The following ZIM2 variants were observed in gnomAD, a reference collection of about 807,000 sequenced individuals.
ZIM2 encodes zinc finger protein 656.
In ZIM2, 14 loss-of-function variants were observed where a neutral mutation model predicts 38.6. The observed-to-expected ratio is 0.36, with a 90% confidence interval of 0.24 to 0.57. The LOEUF (loss-of-function observed/expected upper bound fraction) is 0.57. Ranked by LOEUF, ZIM2 falls within the 20% of genes least tolerant of loss-of-function variation. ZIM2 has a pLI of 0.81. For missense variants in ZIM2, 680 were observed against 695.1 expected (o/e 0.98, Z 0.24); for synonymous variants, 247 against 245.8 (o/e 1.00, Z -0.04).
chr19:56,805,260 C>T (rs2047701885), intron 9 of ZIM2, among the ~76,000 whole-genome samples: 2 of 152,256 alleles, frequency 1.3e-5, no homozygotes, highest in South Asian at 4.2e-4. Context: ...CCCTGGAGGG[C>T]AAATCGTTCA....
intron 9 of ZIM2, among the ~76,000 whole-genome samples, chr19:56,792,075 G>A (rs1165313598): frequency 6.9e-6 from 1 of 145,154 alleles, no homozygotes; most frequent in Admixed American, 7.1e-5. Flanking sequence ...TTGCAACTAA[G>A]GTTTACACTG....
chr19:56,782,279 T>C, intron 10 of ZIM2, 158 bp from the exon 11 acceptor site: 1 of 984,968 alleles, frequency 1.0e-6, no homozygotes, highest in African/African-American at 1.6e-5. Context: ...AGTGGGAACA[T>C]TACTGAAACA....
chr19:56,799,734 G>C (rs931819706), intron 9 of ZIM2: 1 of 152,274 alleles, frequency 6.6e-6, no homozygotes, highest in Non-Finnish European at 1.5e-5. Flanking sequence ...ACTTGTACAT[G>C]AATGTTCTTA....
chr19:56,840,646 C>T lies in ZIM2; in HGVS notation c.-378G>A, dbSNP rs2062915682. 6.5e-6 allele frequency: 1 copy of T among 153,004 alleles called. No homozygotes were observed. The allele number at this position is 153,004 out of a possible 1,614,324, so 9.5% of individuals were successfully genotyped here. ...CCTAGCGCACCCTCATGGCGCCCGG[C>T]GCCCGGCGGCGCCACCAGCCCAGGG... On this transcript the variant is annotated 5_prime_UTR_variant, in exon 1 of 13. Coordinates refer to ENST00000629319, the MANE Select transcript of ZIM2 (RefSeq NM_001387356.1).
intron 9 of ZIM2, among the ~76,000 whole-genome samples, chr19:56,806,990 G>A: frequency 6.6e-6 from 1 of 152,062 alleles, no homozygotes; most frequent in Non-Finnish European, 1.5e-5. Context: ...TTTTGTTATG[G>A]CAGCCCAAAT....
At chr19:56,837,087 G>C (rs1211012454) in intron 1 of ZIM2, among the ~76,000 whole-genome samples, 1 of 151,896 alleles carries the variant, frequency 6.6e-6, no homozygotes, top group Non-Finnish European at 1.5e-5. Context: ...AGATCTCCTT[G>C]GGTGGAGCCA....
At chr19:56,809,323 A>G (rs1476764299) in intron 9 of ZIM2, among the ~76,000 whole-genome samples, 1 of 152,182 alleles carries the variant, frequency 6.6e-6, no homozygotes, top group Non-Finnish European at 1.5e-5. Context: ...TGGCAAGTAC[A>G]CTTTTATATC....
intron 1 of ZIM2, 40 bp downstream of exon 1, chr19:56,840,542 G>A (rs1035886244): frequency 6.6e-6 from 1 of 152,322 alleles, no homozygotes; most frequent in Non-Finnish European, 1.5e-5. Context: ...CCAAGGTCCC[G>A]CGGGCAGGAG....
chr19:56,838,586 C>G (rs1031204279), intron 1 of ZIM2, among the ~76,000 whole-genome samples: 4 of 152,222 alleles, frequency 2.6e-5, no homozygotes, highest in Admixed American at 2.0e-4. Context: ...CAGGCAACAA[C>G]AGGGGAAGGG....
chr19:56,775,798 A>T lies in ZIM2; in HGVS notation c.836-269T>A, dbSNP rs144610509. On this transcript the variant is annotated intron_variant, in intron 12 of 12. Transcript: ENST00000629319. The stretch of plus-strand genomic sequence containing the variant: ...TGAAAACCTAAAGAGAAAATGGAAA[A>T]AGGATAGAAAGGACAGTAAGTGGCC... Among the ~76,000 whole-genome samples, 299 of 152,222 alleles carry T rather than the reference A, an allele frequency of 2.0e-3. 1 individual carries two copies. Among genetic ancestry groups the T allele is most frequent in the African/African-American group, 6.9e-3 (288 of 41,544 alleles).
At position 56,774,995 on chromosome 19, in the gene ZIM2, T is replaced by C. The variant is rs1303047496; in HGVS notation, c.1370A>G (p.His457Arg). ...QCGKAFLQNVHLLQHLKAHEA... is the reference protein window; with the variant it reads ...QCGKAFLQNVRLLQHLKAHEA... ...ATGGGCTTTGAGATGTTGAAGAAGA[T>C]GCACATTCTGGAGAAAAGCTTTGCC... The change falls in exon 13 of 13, where the codon CAT becomes CGT. Residue 457 changes from histidine to arginine, a missense_variant. Coordinates refer to ENST00000629319, the MANE Select transcript of ZIM2 (RefSeq NM_001387356.1). 1.9e-6 allele frequency: 3 copies of C among 1,614,066 alleles called. No individual in the cohort carries two copies. Among genetic ancestry groups the C allele is most frequent in the African/African-American group, 1.3e-5 (1 of 74,932 alleles).
intron 9 of ZIM2, among the ~76,000 whole-genome samples, chr19:56,792,487 T>C (rs1338790210): frequency 1.6e-4 from 20 of 127,418 alleles, no homozygotes; most frequent in Admixed American, 1.5e-3. Flanking sequence ...GCTGAGATCA[T>C]GCCACTGCAC....
chr19:56,798,671 G>T (rs2145972055), intron 9 of ZIM2: 1 of 152,170 alleles, frequency 6.6e-6, no homozygotes, highest in East Asian at 1.9e-4. Context: ...AGAGTGAACA[G>T]ACAGCTTACA....
intron 1 of ZIM2, 99 bp from the exon 2 acceptor site, chr19:56,836,203 A>G (rs1050436047): frequency 7.7e-6 from 3 of 387,264 alleles, no homozygotes; most frequent in Middle Eastern, 5.6e-4. Flanking sequence ...TTTATCTTCT[A>G]TGATGGCACA....
chr19:56,798,157 G>A (rs1219042864), intron 9 of ZIM2: 1 of 152,134 alleles, frequency 6.6e-6, no homozygotes, highest in African/African-American at 2.4e-5. Flanking sequence ...CAAAATTTTG[G>A]TCCACAGCTT....
chr19:56,814,359 ATCT>A lies in ZIM2; in HGVS notation c.490+3384_490+3386del, dbSNP rs572444111. 84 of 1,612,230 alleles carry A rather than the reference ATCT, an allele frequency of 5.2e-5. No homozygotes were observed. The highest frequency in any genetic ancestry group is 3.3e-4 in the Middle Eastern group (2 of 6,060). Reference sequence around the variant, plus strand: ...CTGCTGCTGCAGCTGCTGCTGCTTCATCTTCTTCTTCTTCTTCCAGATGAAGCT... The same window carrying A: ...CTGCTGCTGCAGCTGCTGCTGCTTCATCTTCTTCTTCTTCCAGATGAAGCT... On this transcript the variant is annotated intron_variant, in intron 9 of 12. Transcript: ENST00000629319. This position sits in a 1 kb window ranked among gnomAD's most constrained non-coding sequence, Gnocchi z 5.8.
At position 56,814,361 on chromosome 19, in the gene ZIM2, C is replaced by G; in HGVS notation, c.490+3385G>C. The G allele has an allele frequency of 6.2e-7, 1 of 1,604,926 alleles. No individual in the cohort carries two copies. Among genetic ancestry groups the G allele is most frequent in the Non-Finnish European group, 8.5e-7 (1 of 1,172,646 alleles). Reference sequence around the variant, plus strand: ...GCTGCTGCAGCTGCTGCTGCTTCATCTTCTTCTTCTTCTTCCAGATGAAGC... The same window carrying G: ...GCTGCTGCAGCTGCTGCTGCTTCATGTTCTTCTTCTTCTTCCAGATGAAGC... On this transcript the variant is annotated intron_variant, in intron 9 of 12. Transcript: ENST00000629319. The surrounding 1 kb of genome is among the most constrained non-coding windows in gnomAD (Gnocchi z 5.8).
intron 9 of ZIM2, chr19:56,810,176 T>C (rs1171983423): frequency 2.0e-6 from 2 of 980,396 alleles, no homozygotes. Context: ...AGAAACAAGA[T>C]GAAGAAAATA....
rs1231820452 is a variant in ZIM2 at position 56,810,355 on chromosome 19, C to A, written c.490+7391G>T. On this transcript the variant is annotated intron_variant, in intron 9 of 12. Coordinates refer to ENST00000629319, the MANE Select transcript of ZIM2 (RefSeq NM_001387356.1). ...TAGAATGATGACCTTTCAAGGAAAC[C>A]GAAACAAAATAACCATAATCCCACA... is the stretch of plus-strand genomic sequence containing the variant. 3 of 985,096 alleles carry A rather than the reference C, an allele frequency of 3.0e-6. No homozygotes were observed. The African/African-American group carries it at 5.2e-5, about 17-fold the overall frequency. 61.0% of individuals were successfully genotyped at this position (985,096 alleles called of 1,614,324 possible).
Sources: allele counts gnomAD v4.1 joint callset (sites outside exome capture counted in the v4.1 genomes callset), GRCh38; gene constraint gnomAD v4.1.1; non-coding constraint Gnocchi (gnomAD v3.1); transcripts MANE v1.5; gene names NCBI Gene and HGNC (gene_info 2026-07-23, HGNC 2026-07-21).